GPR107: variants seen among roughly 807,000 people sequenced by gnomAD.
The protein encoded by GPR107 is protein GPR107.
In GPR107, 31 loss-of-function variants were observed where a neutral mutation model predicts 75.5. The observed-to-expected ratio is 0.41, with a 90% CI of 0.31 to 0.55. The LOEUF is 0.55. Ranked by LOEUF, GPR107 falls within the 20% of genes least tolerant of loss-of-function variation. GPR107 has a pLI of 0.26. For synonymous variants in GPR107, 267 were observed against 251.3 expected, an observed-to-expected ratio of 1.06 and a Z score of -0.59; for missense variants, 572 against 665.7, an observed-to-expected ratio of 0.86 and a Z score of 1.55.
chr9:130,092,281 C>T lies in GPR107; in HGVS notation c.763C>T (p.Leu255Phe), dbSNP rs1426414155. ...EITEKNPDSY[L>F]SAGEIPLPKL... is the part of the protein sequence containing the mutation. ...CACAGAGAAGAATCCTGACAGCTAC[C>T]TCTCAGCAGGAGAAATTCCTCTCCC... is the stretch of plus-strand genomic sequence containing the variant. Residue 255 changes from leucine (L) to phenylalanine (F), a missense_variant, in exon 9 of 18, where the codon CTC (leucine) becomes TTC (phenylalanine). Coordinates refer to ENST00000347136, the MANE Select transcript of GPR107 (RefSeq NM_020960.5). 2.5e-6 allele frequency: 4 copies of T among 1,608,222 alleles called. No individual in the cohort carries two copies. In the African/African-American group the frequency reaches 5.3e-5, roughly 21 times the overall value.
intron 5 of GPR107, among the ~76,000 whole-genome samples, chr9:130,081,439 C>T (rs1387510554): frequency 2.0e-5 from 3 of 150,976 alleles, no homozygotes; most frequent in Non-Finnish European, 2.9e-5. Context: ...TTTGGGAAGC[C>T]GAGGTGGGCA....
intron 1 of GPR107, among the ~76,000 whole-genome samples, chr9:130,058,589 C>G (rs755000787): frequency 6.6e-6 from 1 of 151,968 alleles, no homozygotes; most frequent in South Asian, 2.1e-4. Flanking sequence ...CTCAGCCTCC[C>G]GAGTAGCTGA....
At chr9:130,087,843 C>T (rs1830650922) in intron 7 of GPR107, among the ~76,000 whole-genome samples, 1 of 145,690 alleles carries the variant, frequency 6.9e-6, no homozygotes. Context: ...GTGAAATGCA[C>T]AGGTCGTGTC....
intron 14 of GPR107, among the ~76,000 whole-genome samples, chr9:130,115,115 T>G (rs1357138068): frequency 5.9e-5 from 9 of 151,890 alleles, no homozygotes; most frequent in Admixed American, 5.9e-4. Context: ...ATCCTTGCTT[T>G]CCTTGATTGG....
intron 10 of GPR107, among the ~76,000 whole-genome samples, chr9:130,100,084 A>G (rs1378358860): frequency 6.6e-6 from 1 of 150,520 alleles, no homozygotes; most frequent in African/African-American, 2.4e-5. Flanking sequence ...TTTAGTAGAG[A>G]CGGGGTTTCA....
chr9:130,059,021 A>G (rs1350930363), intron 1 of GPR107, among the ~76,000 whole-genome samples: 1 of 152,174 alleles, frequency 6.6e-6, no homozygotes, highest in East Asian at 1.9e-4. Flanking sequence ...CTCTTGGATG[A>G]TATCCAGGAG....
At chr9:130,081,306 G>T (rs1830489077) in intron 5 of GPR107, among the ~76,000 whole-genome samples, 2 of 152,194 alleles carry the variant, frequency 1.3e-5, no homozygotes, top group African/African-American at 4.8e-5. Context: ...GAGAGGCCAA[G>T]GCGGGCAGAT....
chr9:130,075,499 G>A, intron 1 of GPR107, 137 bp from the exon 2 acceptor site: 2 of 544,690 alleles, frequency 3.7e-6, no homozygotes, highest in Admixed American at 2.9e-5. Flanking sequence ...ACCCGCCTCA[G>A]TCTCCCAAAG....
At chr9:130,088,642 A>G (rs547132971) in intron 7 of GPR107, among the ~76,000 whole-genome samples, 1 of 152,308 alleles carries the variant, frequency 6.6e-6, no homozygotes, top group African/African-American at 2.4e-5. Context: ...TTAATCCTCT[A>G]AACAACTCTG....
At chr9:130,062,789 A>G (rs117654793) in intron 1 of GPR107, among the ~76,000 whole-genome samples, 3,277 of 151,028 alleles carry the variant, frequency 0.022, 47 homozygotes, top group Middle Eastern at 0.034. Context: ...GTGCAATCAT[A>G]GCTCACTGCA....
chr9:130,088,529 T>C (rs766266523), intron 7 of GPR107, among the ~76,000 whole-genome samples: 5 of 152,236 alleles, frequency 3.3e-5, no homozygotes, highest in Non-Finnish European at 7.3e-5. Flanking sequence ...CTCTTATTAT[T>C]GATGTATATG....
intron 7 of GPR107, among the ~76,000 whole-genome samples, chr9:130,089,095 G>A (rs1332707475): frequency 1.3e-5 from 2 of 152,068 alleles, no homozygotes; most frequent in East Asian, 1.9e-4. Flanking sequence ...GCTTGAACCC[G>A]GGAGGCTGAG....
At position 130,128,729 on chromosome 9, in the gene GPR107, T is replaced by C. The variant is rs1005432368; in HGVS notation, c.1530T>C (p.Ser510=). ...PASDNPYLQL[S]QEEEDLEMES... ...CAGATAACCCCTACCTACAACTTTC[T>C]CAGGAAGAAGAAGACTTGGAAATGG... is the stretch of plus-strand genomic sequence containing the variant. Residue 510 remains serine, a synonymous_variant, in exon 17 of 18, where the codon TCT becomes TCC. Coordinates refer to ENST00000347136, the MANE Select transcript of GPR107 (RefSeq NM_020960.5). The C allele has an allele frequency of 1.8e-5, 29 of 1,613,364 alleles. No homozygotes were observed. Among genetic ancestry groups the C allele is most frequent in the Non-Finnish European group, 2.5e-5 (29 of 1,179,370 alleles).
chr9:130,088,773 T>G (rs1386412293), intron 7 of GPR107, among the ~76,000 whole-genome samples: 2 of 152,218 alleles, frequency 1.3e-5, no homozygotes, highest in African/African-American at 2.4e-5. Flanking sequence ...GGCCCATGTG[T>G]TTAACCACTT....
chr9:130,094,832 C>T (rs1830825691), intron 9 of GPR107, among the ~76,000 whole-genome samples: 2 of 151,972 alleles, frequency 1.3e-5, no homozygotes, highest in Admixed American at 1.3e-4. Flanking sequence ...AGGTGCCTGC[C>T]ACCATGCCTG....
chr9:130,083,514 A>G (rs778797175), intron 5 of GPR107, 51 bp from the exon 6 acceptor site: 5 of 1,136,166 alleles, frequency 4.4e-6, no homozygotes, highest in Admixed American at 5.6e-5. Flanking sequence ...ATATATATGT[A>G]TCTGTAAGTT....
intron 12 of GPR107, among the ~76,000 whole-genome samples, chr9:130,101,554 A>G (rs1252326128): frequency 6.6e-6 from 1 of 152,236 alleles, no homozygotes; most frequent in Non-Finnish European, 1.5e-5. Flanking sequence ...CTTGGCAAGG[A>G]AGCTCAGAGA....
Position 130,121,897 on chromosome 9 carries a change from T to A in GPR107, c.1307-3018T>A, listed in dbSNP as rs1831556188. ...AGACTTATTTATTTTTATTTTATTTTCTTTTTTTTTTGAGGTGGAGTCTCG... is the reference window on the plus strand; with the variant it reads ...AGACTTATTTATTTTTATTTTATTTACTTTTTTTTTTGAGGTGGAGTCTCG... On this transcript the variant is annotated intron_variant, in intron 14 of 17. Transcript: ENST00000347136. Among the ~76,000 whole-genome samples, 5 of 139,698 alleles carry A rather than the reference T, an allele frequency of 3.6e-5. No individual in the cohort carries two copies. The South Asian group carries it at 1.1e-3, about 32-fold the overall frequency. 91.6% of individuals were successfully genotyped at this position (139,698 alleles called of 152,430 possible).
At chr9:130,119,067 C>T (rs542740529) in intron 14 of GPR107, among the ~76,000 whole-genome samples, 30 of 152,342 alleles carry the variant, frequency 2.0e-4, no homozygotes, top group Admixed American at 7.8e-4. Context: ...CGCCACAGTC[C>T]GGTGAGCAGC....
Sources: allele counts gnomAD v4.1 joint callset (sites outside exome capture counted in the v4.1 genomes callset), GRCh38; gene constraint gnomAD v4.1.1; transcripts MANE v1.5; gene names NCBI Gene and HGNC (gene_info 2026-07-23, HGNC 2026-07-21).